SNTG1: variants seen among roughly 807,000 people sequenced by gnomAD.
The protein encoded by SNTG1 is syntrophin gamma 1, also known as gamma-1-syntrophin.
SNTG1 carries 39 observed loss-of-function variants against 74.7 expected under a neutral mutation model. That is an observed-to-expected ratio of 0.52 (90% confidence interval 0.40 to 0.68). SNTG1 has a LOEUF of 0.68. SNTG1 is among the 30% of genes least tolerant of loss of function. The pLI is 0.00. For missense variants in SNTG1, 685 were observed against 609.5 expected (o/e 1.12, Z -1.30); for synonymous variants, 254 against 217.1 (o/e 1.17, Z -1.49).
At chr8:50,768,948 G>A (rs181082086) in intron 18 of SNTG1, among the ~76,000 whole-genome samples, 39 of 152,080 alleles carry the variant, frequency 2.6e-4, no homozygotes, top group Admixed American at 1.4e-3. Context: ...TTGAGAACAG[G>A]AATGTGTGGT....
At chr8:49,935,990 G>A (rs1025675150) in intron 1 of SNTG1, among the ~76,000 whole-genome samples, 6 of 152,100 alleles carry the variant, frequency 3.9e-5, no homozygotes, top group African/African-American at 9.7e-5. Flanking sequence ...TTAAAGGGAC[G>A]AATTGATTAT....
intron 16 of SNTG1, among the ~76,000 whole-genome samples, chr8:50,706,813 A>G (rs947514173): frequency 1.3e-5 from 2 of 152,018 alleles, no homozygotes; most frequent in African/African-American, 4.8e-5. Flanking sequence ...TTTCTTCTAT[A>G]TTCTTAATTT....
chr8:50,225,098 G>A (rs1372337175), intron 2 of SNTG1, among the ~76,000 whole-genome samples: 3 of 152,072 alleles, frequency 2.0e-5, no homozygotes, highest in Non-Finnish European at 4.4e-5. Flanking sequence ...AGCCTCCTGA[G>A]TAGCTGGGAC....
chr8:50,178,580 T>C (rs2083087089), intron 2 of SNTG1, among the ~76,000 whole-genome samples: 1 of 152,208 alleles, frequency 6.6e-6, no homozygotes, highest in African/African-American at 2.4e-5. Context: ...CCAGTATTAG[T>C]CAATATCTTC....
At chr8:50,087,262 C>T (rs1355983078) in intron 1 of SNTG1, among the ~76,000 whole-genome samples, 1 of 152,046 alleles carries the variant, frequency 6.6e-6, no homozygotes, top group Non-Finnish European at 1.5e-5. Context: ...GTAATGTCGT[C>T]GGGATTTGAA....
intron 2 of SNTG1, among the ~76,000 whole-genome samples, chr8:50,239,792 TA>T (rs1307230562): frequency 1.3e-5 from 2 of 152,198 alleles, no homozygotes; most frequent in Non-Finnish European, 2.9e-5. Context: ...TTACACTGCT[TA>T]TGCTATTGTT....
chr8:50,079,333 G>A (rs1165829101), intron 1 of SNTG1, among the ~76,000 whole-genome samples: 2 of 151,512 alleles, frequency 1.3e-5, no homozygotes, highest in African/African-American at 4.8e-5. Flanking sequence ...TTTTTCAAAT[G>A]TTTGTTGGCC....
At chr8:50,769,724 T>C (rs1379072926) in intron 18 of SNTG1, among the ~76,000 whole-genome samples, 2 of 152,064 alleles carry the variant, frequency 1.3e-5, no homozygotes, top group Non-Finnish European at 1.5e-5. Context: ...GGTATCAAGA[T>C]ATTGGCTGAC....
chr8:50,315,179 T>C lies in SNTG1; in HGVS notation c.-27-79033T>C, dbSNP rs189936895. Among the ~76,000 whole-genome samples the C allele has an allele frequency of 3.4e-3, 509 of 149,746 alleles. 42 individuals are homozygous for C. Among genetic ancestry groups the C allele is most frequent in the African/African-American group, 0.012 (489 of 40,148 alleles). ...TGCAAGATAAGGGATAGAGCTGCAGTGGTCACTGAGGAATGTTAATTTATC... is the reference window on the plus strand; with the variant it reads ...TGCAAGATAAGGGATAGAGCTGCAGCGGTCACTGAGGAATGTTAATTTATC... On this transcript the variant is annotated intron_variant, in intron 2 of 18. Transcript: ENST00000642720.
chr8:50,272,994 T>A (rs928253777), intron 2 of SNTG1, among the ~76,000 whole-genome samples: 2 of 152,112 alleles, frequency 1.3e-5, no homozygotes, highest in Non-Finnish European at 2.9e-5. Context: ...TCCTCCCATG[T>A]CAGCCACCCA....
chr8:49,951,454 A>G (rs1809690443), intron 1 of SNTG1, among the ~76,000 whole-genome samples: 1 of 152,120 alleles, frequency 6.6e-6, no homozygotes, highest in South Asian at 2.1e-4. Flanking sequence ...TCAGATAACC[A>G]GGAAATGGCA....
intron 13 of SNTG1, among the ~76,000 whole-genome samples, chr8:50,595,020 A>ATGTG (rs57799690): frequency 0.012 from 1,779 of 147,822 alleles, 10 homozygotes; most frequent in Middle Eastern, 0.025. Flanking sequence ...TTTATTGAAG[A>ATGTG]TGTGTGTGTG....
At chr8:50,257,094 C>A (rs1438333639) in intron 2 of SNTG1, among the ~76,000 whole-genome samples, 1 of 151,902 alleles carries the variant, frequency 6.6e-6, no homozygotes, top group Non-Finnish European at 1.5e-5. Context: ...AGCAGAAGCA[C>A]ACCCACCAGC....
intron 17 of SNTG1, among the ~76,000 whole-genome samples, chr8:50,746,887 A>T (rs2095556325): frequency 1.4e-5 from 2 of 148,066 alleles, no homozygotes; most frequent in African/African-American, 4.9e-5. Context: ...TTATATATAT[A>T]CACATATGCT....
intron 4 of SNTG1, among the ~76,000 whole-genome samples, chr8:50,418,337 C>T (rs543073611): frequency 6.6e-5 from 10 of 152,154 alleles, no homozygotes; most frequent in East Asian, 3.9e-4. Flanking sequence ...TATTTTCTTA[C>T]GGGCTTCTTG....
At chr8:50,068,736 C>A (rs1184756434) in intron 1 of SNTG1, among the ~76,000 whole-genome samples, 2 of 151,890 alleles carry the variant, frequency 1.3e-5, no homozygotes, top group African/African-American at 4.8e-5. Context: ...ATCTGTAGTG[C>A]CTGAAACAAT....
intron 15 of SNTG1, among the ~76,000 whole-genome samples, chr8:50,693,367 G>T (rs531101601): frequency 8.5e-5 from 13 of 152,198 alleles, no homozygotes; most frequent in Admixed American, 3.9e-4. Flanking sequence ...CTGTAGACCG[G>T]AGCTGTTCCT....
intron 5 of SNTG1, among the ~76,000 whole-genome samples, chr8:50,444,685 G>T (rs1289769813): frequency 1.3e-5 from 2 of 151,258 alleles, no homozygotes; most frequent in Non-Finnish European, 2.9e-5. Flanking sequence ...GGGAGGCAGA[G>T]GTTGCAGTGA....
intron 1 of SNTG1, among the ~76,000 whole-genome samples, chr8:50,171,561 G>A (rs1449646558): frequency 6.6e-6 from 1 of 152,094 alleles, no homozygotes; most frequent in African/African-American, 2.4e-5. Context: ...ATCTACTTTG[G>A]CAACACTCTC....
Sources: gnomAD v4.1 joint callset for allele counts (sites outside exome capture counted in the v4.1 genomes callset) on GRCh38, gnomAD v4.1.1 for gene constraint, MANE v1.5 for transcripts, NCBI Gene and HGNC (gene_info 2026-07-23, HGNC 2026-07-21) for gene names.